FOXRED1: variants seen among roughly 807,000 people sequenced by gnomAD.
The protein encoded by FOXRED1 is FAD-dependent oxidoreductase domain-containing protein 1.
In FOXRED1, 52 loss-of-function variants were observed where a neutral mutation model predicts 57.8. The ratio of observed to expected loss-of-function variants is 0.90; its 90% CI spans 0.72 to 1.13. The LOEUF is 1.13. FOXRED1 is among the 50% of genes most tolerant of loss of function. FOXRED1 has a pLI of 0.00. For synonymous variants in FOXRED1, 271 were observed against 248.3 expected (o/e 1.09, Z -0.86); for missense variants, 589 against 625.2 (o/e 0.94, Z 0.62).
In FOXRED1 at chr11:126,277,550, G is replaced by A. The variant is rs766870809; in HGVS notation, c.1322G>A (p.Gly441Glu). 6.2e-7 allele frequency: 1 copy of A among 1,613,686 alleles called. No individual in the cohort carries two copies. Among genetic ancestry groups the A allele is most frequent in the Non-Finnish European group, 8.5e-7 (1 of 1,180,016 alleles). The change falls in exon 11 of 11, where the codon GGG becomes GAG. Residue 441 changes from glycine (G) to glutamate (E), a missense_variant. Transcript: ENST00000263578. This position sits in a 1 kb window ranked among gnomAD's most constrained non-coding sequence, Gnocchi z 6.8. Reference protein sequence around the residue: ...MYFATGFSGHGLQQAPGIGRA... With the variant: ...MYFATGFSGHELQQAPGIGRA... ...TTTGCTACTGGCTTCAGTGGTCACG[G>A]GCTCCAGCAGGCCCCTGGCATTGGG...
intron 1 of FOXRED1, among the ~76,000 whole-genome samples, chr11:126,270,708 G>A (rs1008600354): frequency 5.3e-5 from 8 of 152,314 alleles, no homozygotes; most frequent in East Asian, 1.9e-4. Context: ...TTGGACTTTG[G>A]TTCTTAGAGT....
rs1264263707 is a variant in FOXRED1 at position 126,274,742 on chromosome 11, C to T, written c.537-185C>T. 1 of 651,092 alleles carries T rather than the reference C, an allele frequency of 1.5e-6. No homozygotes were observed. The highest frequency in any genetic ancestry group is 1.8e-5 in the African/African-American group (1 of 55,884). The allele number at this position is 651,092 out of a possible 1,614,324, so 40.3% of individuals were successfully genotyped here. ...AGTAGGGAAGGAAAGGCAGTCAAGGCTGAAGAGCCTGACTAGGAGGCTTGG... is the reference window on the plus strand; with the variant it reads ...AGTAGGGAAGGAAAGGCAGTCAAGGTTGAAGAGCCTGACTAGGAGGCTTGG... On this transcript the variant is annotated intron_variant, in intron 4 of 10. Transcript: ENST00000263578. The surrounding 1 kb of genome is among the most constrained non-coding windows in gnomAD (Gnocchi z 4.8).
Position 126,275,144 on chromosome 11 carries a change from C to T in FOXRED1, c.631+123C>T, listed in dbSNP as rs976025771. 6 of 823,650 alleles carry T rather than the reference C, an allele frequency of 7.3e-6. No homozygotes were observed. Among genetic ancestry groups the T allele is most frequent in the East Asian group, 2.6e-5 (1 of 38,580 alleles). 51.0% of individuals were successfully genotyped at this position (823,650 alleles called of 1,614,324 possible). ...GGAGGAACACTTCCCTCCTGTGTCA[C>T]GGGAACTGCCCTGGGCCGTGGTAGT... On this transcript the variant is annotated intron_variant, in intron 5 of 10. Coordinates refer to ENST00000263578, the MANE Select transcript of FOXRED1 (RefSeq NM_017547.4). This position sits in a 1 kb window ranked among gnomAD's most constrained non-coding sequence, Gnocchi z 5.9.
At chr11:126,270,603 G>T (rs1281169463) in intron 1 of FOXRED1, among the ~76,000 whole-genome samples, 1 of 152,122 alleles carries the variant, frequency 6.6e-6, no homozygotes, top group African/African-American at 2.4e-5. Context: ...GAGGAAATAA[G>T]GTGCCATCAA....
In FOXRED1 at chr11:126,272,631, A is replaced by T. The variant is rs1951020895; in HGVS notation, c.307-338A>T. ...GGTGTTCCTGTTTGCATTGCCAGCT[A>T]GCCACGAGTCTTGCTACTTTACTTC... On this transcript the variant is annotated intron_variant, in intron 2 of 10. Coordinates refer to ENST00000263578, the MANE Select transcript of FOXRED1 (RefSeq NM_017547.4). The surrounding 1 kb of genome is among the most constrained non-coding windows in gnomAD (Gnocchi z 4.6). The T allele has an allele frequency of 5.2e-6, 2 of 386,608 alleles. No individual in the cohort carries two copies. Among genetic ancestry groups the T allele is most frequent in the East Asian group, 1.2e-4 (2 of 16,298 alleles). The allele number at this position is 386,608 out of a possible 1,614,324, so 23.9% of individuals were successfully genotyped here.
rs774179959 is a variant in FOXRED1 at position 126,271,152 on chromosome 11, T to A, written c.86-285T>A. ...ATGACAGTGCAGTTGAATATGTGAG[T>A]TGGGATCAGGAGAGGTCTATGCAGG... On this transcript the variant is annotated intron_variant, in intron 1 of 10. Coordinates refer to ENST00000263578, the MANE Select transcript of FOXRED1 (RefSeq NM_017547.4). The surrounding 1 kb of genome is among the most constrained non-coding windows in gnomAD (Gnocchi z 5.3). The A allele has an allele frequency of 5.3e-5, 21 of 395,164 alleles. No homozygotes were observed. Among genetic ancestry groups the A allele is most frequent in the Non-Finnish European group, 9.2e-5 (19 of 206,818 alleles). The allele number at this position is 395,164 out of a possible 1,614,324, so 24.5% of individuals were successfully genotyped here.
chr11:126,275,599 G>A lies in FOXRED1; in HGVS notation c.733+171G>A. The A allele has an allele frequency of 1.4e-6, 1 of 721,554 alleles. No individual in the cohort carries two copies. The highest frequency in any genetic ancestry group is 2.5e-6 in the Non-Finnish European group (1 of 399,748). The allele number at this position is 721,554 out of a possible 1,614,324, so 44.7% of individuals were successfully genotyped here. On this transcript the variant is annotated intron_variant, in intron 6 of 10. Coordinates refer to ENST00000263578, the MANE Select transcript of FOXRED1 (RefSeq NM_017547.4). The surrounding 1 kb of genome is among the most constrained non-coding windows in gnomAD (Gnocchi z 5.9). ...TGATCTGCGTTGTGACTTGTGATCT[G>A]CTTGATGATTGCACCTGAGCACTGT...
At chr11:126,269,633 A>G (rs1311173543) in intron 1 of FOXRED1, among the ~76,000 whole-genome samples, 1 of 152,160 alleles carries the variant, frequency 6.6e-6, no homozygotes, top group African/African-American at 2.4e-5. Context: ...GGATTCAGTG[A>G]ATGTTCTGGA....
chr11:126,269,154 G>T lies in FOXRED1; in HGVS notation c.-53G>T. 7.2e-7 allele frequency: 1 copy of T among 1,394,334 alleles called. No individual in the cohort carries two copies. Among genetic ancestry groups the T allele is most frequent in the Non-Finnish European group, 1.0e-6 (1 of 981,436 alleles). The allele number at this position is 1,394,334 out of a possible 1,614,324, so 86.4% of individuals were successfully genotyped here. A position where few individuals can be genotyped will look rare whatever the true frequency, so the allele number is the denominator to read the frequency against. ...TTTGGCGCGGAGCAGTGACGGCTGC[G>T]ATAATAGCGAGGCAGCAGTGCAGCT... is the stretch of plus-strand genomic sequence containing the variant. On this transcript the variant is annotated 5_prime_UTR_variant, in exon 1 of 11. Coordinates refer to ENST00000263578, the MANE Select transcript of FOXRED1 (RefSeq NM_017547.4).
chr11:126,269,210 A>T lies in FOXRED1; in HGVS notation c.4A>T (p.Ile2Phe), dbSNP rs934584613. ...AGGGTCCGGGCTCAGAGGGGTTATG[A>T]TTCGGAGGGTTCTGCCGCACGGCAT... M[I>F]RRVLPHGMGR... Residue 2 changes from isoleucine to phenylalanine, a missense_variant, in exon 1 of 11, where the codon ATT (isoleucine) becomes TTT (phenylalanine). Transcript: ENST00000263578. 2.5e-6 allele frequency: 4 copies of T among 1,613,116 alleles called. No homozygotes were observed. Among genetic ancestry groups the T allele is most frequent in the Non-Finnish European group, 3.4e-6 (4 of 1,179,302 alleles).
Position 126,276,536 on chromosome 11 carries a change from G to C in FOXRED1, c.1101+13G>C. 1.2e-6 allele frequency: 2 copies of C among 1,602,656 alleles called. No homozygotes were observed. The highest frequency in any genetic ancestry group is 8.5e-7 in the Non-Finnish European group (1 of 1,173,428). On this transcript the variant is annotated intron_variant, in intron 9 of 10. Transcript: ENST00000263578. The stretch of plus-strand genomic sequence containing the variant: ...TAGCCCCACTGAGGTAAGCTGAGTG[G>C]GGTGGGACATGCTGGCAAGGAGACA...
chr11:126,271,250 G>A lies in FOXRED1; in HGVS notation c.86-187G>A. 1.6e-6 allele frequency: 1 copy of A among 638,764 alleles called. No individual in the cohort carries two copies. The highest frequency in any genetic ancestry group is 1.7e-5 in the South Asian group (1 of 58,040). The allele number at this position is 638,764 out of a possible 1,614,324, so 39.6% of individuals were successfully genotyped here. On this transcript the variant is annotated intron_variant, in intron 1 of 10. Transcript: ENST00000263578. This position sits in a 1 kb window ranked among gnomAD's most constrained non-coding sequence, Gnocchi z 5.3. Reference sequence around the variant, plus strand: ...GGCACAATGCATGAAGAGACTGATGGCATGTGGACTATTCAGAAAACTGTG... The same window carrying A: ...GGCACAATGCATGAAGAGACTGATGACATGTGGACTATTCAGAAAACTGTG...
chr11:126,277,543 G>A lies in FOXRED1; in HGVS notation c.1315G>A (p.Gly439Ser), dbSNP rs139937804. Residue 439 changes from glycine to serine, a missense_variant, in exon 11 of 11, where the codon GGT becomes AGT. Coordinates refer to ENST00000263578, the MANE Select transcript of FOXRED1 (RefSeq NM_017547.4). The surrounding 1 kb of genome is among the most constrained non-coding windows in gnomAD (Gnocchi z 6.8). ...VNMYFATGFS[G>S]HGLQQAPGIG... ...CATGTACTTTGCTACTGGCTTCAGT[G>A]GTCACGGGCTCCAGCAGGCCCCTGG... 1 of 1,613,582 alleles carries A rather than the reference G, an allele frequency of 6.2e-7. No individual in the cohort carries two copies. The highest frequency in any genetic ancestry group is 1.3e-5 in the African/African-American group (1 of 74,938).
At position 126,269,177 on chromosome 11, in the gene FOXRED1, G is replaced by C; in HGVS notation, c.-30G>C. 2.6e-6 allele frequency: 4 copies of C among 1,549,556 alleles called. No homozygotes were observed. Among genetic ancestry groups the C allele is most frequent in the Non-Finnish European group, 3.6e-6 (4 of 1,122,268 alleles). On this transcript the variant is annotated 5_prime_UTR_variant, in exon 1 of 11. Coordinates refer to ENST00000263578, the MANE Select transcript of FOXRED1 (RefSeq NM_017547.4). ...GCGATAATAGCGAGGCAGCAGTGCA[G>C]CTTTCAGAGGGTCCGGGCTCAGAGG... is the stretch of plus-strand genomic sequence containing the variant.
chr11:126,269,214 G>A lies in FOXRED1; in HGVS notation c.8G>A (p.Arg3Gln), dbSNP rs778258154. 1.2e-6 allele frequency: 2 copies of A among 1,613,434 alleles called. No homozygotes were observed. The highest frequency in any genetic ancestry group is 1.1e-5 in the South Asian group (1 of 91,066). Residue 3 changes from arginine to glutamine, a missense_variant, in exon 1 of 11, where the codon CGG becomes CAG. By Grantham distance (43) the Arg-to-Gln change is conservative. Transcript: ENST00000263578. ...TCCGGGCTCAGAGGGGTTATGATTC[G>A]GAGGGTTCTGCCGCACGGCATGGGC... Reference protein sequence around the residue: MIRRVLPHGMGRG... With the variant: MIQRVLPHGMGRG...
chr11:126,270,670 C>T (rs1470123997), intron 1 of FOXRED1, among the ~76,000 whole-genome samples: 1 of 152,142 alleles, frequency 6.6e-6, no homozygotes, highest in Non-Finnish European at 1.5e-5. Context: ...CCAGATTGTG[C>T]AGTATCTTAC....
chr11:126,271,960 C>CTTT lies in FOXRED1; in HGVS notation c.306+304_306+305insTTT. 1 of 332,668 alleles carries CTTT rather than the reference C, an allele frequency of 3.0e-6. No homozygotes were observed. Among genetic ancestry groups the CTTT allele is most frequent in the Non-Finnish European group, 5.8e-6 (1 of 172,678 alleles). 20.6% of individuals were successfully genotyped at this position (332,668 alleles called of 1,614,324 possible). The stretch of plus-strand genomic sequence containing the variant: ...AGCTATAATTAAGTGTCTCAATTTT[C>CTTT]TCTTTTTTTTTTTTTTTTTGAGACA... On this transcript the variant is annotated intron_variant, in intron 2 of 10. Transcript: ENST00000263578. This position sits in a 1 kb window ranked among gnomAD's most constrained non-coding sequence, Gnocchi z 5.3.
At position 126,271,655 on chromosome 11, in the gene FOXRED1, A is replaced by G. The variant is rs933891396; in HGVS notation, c.304A>G (p.Thr102Ala). Residue 102 changes from threonine to alanine, a missense_variant and splice_region_variant, in exon 2 of 11, where the codon ACG (threonine) becomes GCG (alanine). Thr to Ala is a moderately conservative substitution (Grantham distance 58). Transcript: ENST00000263578. This position sits in a 1 kb window ranked among gnomAD's most constrained non-coding sequence, Gnocchi z 5.3. The part of the protein sequence containing the change: ...IRVLVVERDH[T>A]YSQASTGLSV... ...AGTGCTAGTGGTGGAACGGGACCAC[A>G]CGGTGAGGTCTGGGGTAGGGCAGAG... 6.2e-7 allele frequency: 1 copy of G among 1,612,460 alleles called. No homozygotes were observed. The highest frequency in any genetic ancestry group is 8.5e-7 in the Non-Finnish European group (1 of 1,178,998).
At chr11:126,276,020 G>C (rs1043289472) in intron 7 of FOXRED1, 39 bp from the exon 8 acceptor site, 3 of 1,612,404 alleles carry the variant, frequency 1.9e-6, no homozygotes, top group Non-Finnish European at 2.5e-6. Flanking sequence ...CTGGTGTGTG[G>C]TCCGGGCCTT....
Sources: gnomAD v4.1 joint callset for allele counts (sites outside exome capture counted in the v4.1 genomes callset) on GRCh38, gnomAD v4.1.1 for gene constraint, Gnocchi (gnomAD v3.1) non-coding constraint, MANE v1.5 for transcripts, NCBI Gene and HGNC (gene_info 2026-07-23, HGNC 2026-07-21) for gene names.